WASL: variants seen among roughly 807,000 people sequenced by gnomAD.
The protein encoded by WASL is actin nucleation-promoting factor WASL.
WASL carries 20 observed loss-of-function variants against 55.5 expected under a neutral mutation model. That is an observed-to-expected ratio of 0.36 (90% CI 0.25 to 0.52). The LOEUF (loss-of-function observed/expected upper bound fraction) is 0.52. Ranked by LOEUF, WASL falls within the 20% of genes least tolerant of loss-of-function variation. WASL has a pLI of 0.92. For synonymous variants in WASL, 249 were observed against 217.6 expected, an observed-to-expected ratio of 1.14 and a Z score of -1.27; for missense variants, 504 against 622.5, an observed-to-expected ratio of 0.81 and a Z score of 2.03.
chr7:123,737,159 A>G (rs12537072), intron 1 of WASL, among the ~76,000 whole-genome samples: 65,835 of 151,996 alleles, frequency 0.43, 14,804 homozygotes, highest in South Asian at 0.66. Context: ...CTTTTAAAAA[A>G]TTGCAAAAAA....
intron 1 of WASL, among the ~76,000 whole-genome samples, chr7:123,725,212 A>G (rs1184756666): frequency 1.3e-5 from 2 of 152,218 alleles, no homozygotes; most frequent in Non-Finnish European, 2.9e-5. Context: ...GGTCTTAAAA[A>G]CAGATGGTGT....
chr7:123,716,291 C>A (rs1410964450), intron 1 of WASL, among the ~76,000 whole-genome samples: 1 of 152,134 alleles, frequency 6.6e-6, no homozygotes, highest in Non-Finnish European at 1.5e-5. Context: ...TCTTGGCTAA[C>A]TGTAACCTCC....
In WASL at chr7:123,687,836, T is replaced by C. The variant is rs147528422; in HGVS notation, c.1456+1206A>G. On this transcript the variant is annotated intron_variant, in intron 10 of 10. Transcript: ENST00000223023. Reference sequence around the variant, plus strand: ...CTGTAATGGAGGGTAGGTACAAATATGCCTATTTAAGGAAAACAAACATTG... The same window carrying C: ...CTGTAATGGAGGGTAGGTACAAATACGCCTATTTAAGGAAAACAAACATTG... 2.3e-3 allele frequency among the ~76,000 whole-genome samples: 348 copies of C among 152,276 alleles called. 2 individuals carry two copies. Among genetic ancestry groups the C allele is most frequent in the African/African-American group, 7.9e-3 (327 of 41,570 alleles).
At position 123,685,430 on chromosome 7, in the gene WASL, C is replaced by T. The variant is rs533448860; in HGVS notation, c.1457-850G>A. Among the ~76,000 whole-genome samples the T allele has an allele frequency of 2.0e-5, 3 of 152,002 alleles. No individual in the cohort carries two copies. In the South Asian group the frequency reaches 6.2e-4, roughly 31 times the overall value. On this transcript the variant is annotated intron_variant, in intron 10 of 10. Coordinates refer to ENST00000223023, the MANE Select transcript of WASL (RefSeq NM_003941.4). Reference sequence around the variant, plus strand: ...CACCAATCTTATTCTGGCTTTAGAACTTCTGCAGTAGCTATTTCTTCGTTA... The same window carrying T: ...CACCAATCTTATTCTGGCTTTAGAATTTCTGCAGTAGCTATTTCTTCGTTA...
chr7:123,745,962 T>TA (rs1386496754), intron 1 of WASL, among the ~76,000 whole-genome samples: 2 of 152,196 alleles, frequency 1.3e-5, no homozygotes, highest in East Asian at 3.8e-4. Context: ...TAAACCTTTA[T>TA]AAAAATAGTT....
At chr7:123,690,945 A>G (rs1803398943) in intron 9 of WASL, among the ~76,000 whole-genome samples, 1 of 152,194 alleles carries the variant, frequency 6.6e-6, no homozygotes, top group Admixed American at 6.5e-5. Flanking sequence ...AAGTTCTTCA[A>G]CTGCTCTTGA....
chr7:123,734,154 A>G (rs1433155914), intron 1 of WASL, among the ~76,000 whole-genome samples: 1 of 152,186 alleles, frequency 6.6e-6, no homozygotes, highest in Non-Finnish European at 1.5e-5. Context: ...ATTAAAATTA[A>G]AAACTTCTTT....
intron 1 of WASL, among the ~76,000 whole-genome samples, chr7:123,745,973 T>C (rs1804424256): frequency 6.6e-6 from 1 of 152,166 alleles, no homozygotes; most frequent in Admixed American, 6.5e-5. Flanking sequence ...AAAAATAGTT[T>C]CCATATATTT....
chr7:123,684,492 A>T lies in WASL; in HGVS notation c.*27T>A, dbSNP rs1562955694. 11 of 510,784 alleles carry T rather than the reference A, an allele frequency of 2.2e-5. No homozygotes were observed. Among genetic ancestry groups the T allele is most frequent in the Admixed American group, 3.8e-5 (1 of 26,326 alleles). 31.6% of individuals were successfully genotyped at this position (510,784 alleles called of 1,614,324 possible). Reference sequence around the variant, plus strand: ...GTAGTGTTTAGTATTTCACCTTAAAAATATATATATATATATAATATATAG... The same window carrying T: ...GTAGTGTTTAGTATTTCACCTTAAATATATATATATATATATAATATATAG... On this transcript the variant is annotated 3_prime_UTR_variant, in exon 11 of 11. Coordinates refer to ENST00000223023, the MANE Select transcript of WASL (RefSeq NM_003941.4).
intron 8 of WASL, 47 bp from the exon 9 acceptor site, chr7:123,692,914 A>C: frequency 7.5e-7 from 1 of 1,336,314 alleles, no homozygotes; most frequent in Non-Finnish European, 9.6e-7. Context: ...TTCTTCTCAT[A>C]AACATCATAT....
At chr7:123,694,278 T>G (rs4727974) in intron 8 of WASL, among the ~76,000 whole-genome samples, 14,840 of 152,144 alleles carry the variant, frequency 0.098, 903 homozygotes, top group Non-Finnish European at 0.13. Context: ...AAAAGAAAAT[T>G]TCATACTTTA....
chr7:123,739,792 C>G (rs188429999), intron 1 of WASL, among the ~76,000 whole-genome samples: 7 of 151,994 alleles, frequency 4.6e-5, no homozygotes, highest in African/African-American at 1.7e-4. Flanking sequence ...ATTCTCTAGG[C>G]TATTTAAGGT....
chr7:123,694,691 A>C (rs2116772488), intron 8 of WASL, 24 bp downstream of exon 8: 1 of 1,610,370 alleles, frequency 6.2e-7, no homozygotes, highest in East Asian at 2.2e-5. Context: ...ACAAAACAGA[A>C]CGCTGAATAG....
Position 123,682,465 on chromosome 7 carries a change from G to A in WASL, c.*2054C>T, listed in dbSNP as rs1172020078. On this transcript the variant is annotated 3_prime_UTR_variant, in exon 11 of 11. Coordinates refer to ENST00000223023, the MANE Select transcript of WASL (RefSeq NM_003941.4). ...GGCAAATTATATATCCATTTTACAT[G>A]TTTAAAATTGTGCTTTGAACTCGAA... 1 of 152,064 alleles carries A rather than the reference G, an allele frequency of 6.6e-6. No individual in the cohort carries two copies. Among genetic ancestry groups the A allele is most frequent in the Non-Finnish European group, 1.5e-5 (1 of 67,996 alleles). 9.4% of individuals were successfully genotyped at this position (152,064 alleles called of 1,614,324 possible). A position where few individuals can be genotyped will look rare whatever the true frequency, so the allele number is the denominator to read the frequency against.
intron 1 of WASL, among the ~76,000 whole-genome samples, chr7:123,743,855 A>G (rs903714714): frequency 2.0e-5 from 3 of 152,208 alleles, no homozygotes; most frequent in African/African-American, 7.2e-5. Flanking sequence ...AATAACCAGA[A>G]GTAAAATTCA....
intron 4 of WASL, among the ~76,000 whole-genome samples, chr7:123,704,894 T>A (rs1010369025): frequency 6.6e-6 from 1 of 152,052 alleles, no homozygotes; most frequent in East Asian, 1.9e-4. Flanking sequence ...TGGACTACAG[T>A]GAGCAAATGG....
At chr7:123,725,992 T>C (rs1584869716) in intron 1 of WASL, among the ~76,000 whole-genome samples, 1 of 152,204 alleles carries the variant, frequency 6.6e-6, no homozygotes, top group African/African-American at 2.4e-5. Context: ...CACTGTTAAA[T>C]ATTACCTAGA....
At chr7:123,705,769 T>A (rs373350191) in intron 4 of WASL, among the ~76,000 whole-genome samples, 2 of 152,212 alleles carry the variant, frequency 1.3e-5, no homozygotes, top group African/African-American at 4.8e-5. Context: ...TTTTATAGTA[T>A]ATAGCATTAG....
chr7:123,732,356 TA>T (rs909155644), intron 1 of WASL, among the ~76,000 whole-genome samples: 4 of 151,582 alleles, frequency 2.6e-5, no homozygotes, highest in East Asian at 1.9e-4. Context: ...AAAATAAAAA[TA>T]AAAAAAGAAG....
Sources: allele counts gnomAD v4.1 joint callset (sites outside exome capture counted in the v4.1 genomes callset), GRCh38; gene constraint gnomAD v4.1.1; transcripts MANE v1.5; gene names NCBI Gene and HGNC (gene_info 2026-07-23, HGNC 2026-07-21).